The following DPP10 variants were observed in gnomAD, a reference collection of about 807,000 sequenced individuals.
DPP10 encodes the protein inactive dipeptidyl peptidase 10.
Under a neutral mutation model 120.9 loss-of-function variants are expected in DPP10, and 33 were observed. The observed-to-expected ratio is 0.27, with a 90% CI of 0.21 to 0.37. DPP10 has a LOEUF of 0.37. Among genes scored for constraint, DPP10 ranks in the 10% least tolerant of loss-of-function variants. DPP10 has a pLI of 1.00. For synonymous variants in DPP10, 337 were observed against 326.1 expected, an observed-to-expected ratio of 1.03 and a Z score of -0.36; for missense variants, 816 against 942.8, an observed-to-expected ratio of 0.87 and a Z score of 1.76.
At chr2:115,098,079 C>G (rs1452067450) in intron 1 of DPP10, among the ~76,000 whole-genome samples, 1 of 152,174 alleles carries the variant, frequency 6.6e-6, no homozygotes, top group Non-Finnish European at 1.5e-5. Context: ...ATTATTCCAA[C>G]TTTCCCCAGA....
At chr2:115,236,292 A>G (rs1199606083) in intron 1 of DPP10, among the ~76,000 whole-genome samples, 1 of 152,224 alleles carries the variant, frequency 6.6e-6, no homozygotes, top group Non-Finnish European at 1.5e-5. Flanking sequence ...ATCTTTCAGA[A>G]TATACCATGG....
At chr2:114,899,492 T>C (rs963537582) in intron 1 of DPP10, among the ~76,000 whole-genome samples, 1 of 152,132 alleles carries the variant, frequency 6.6e-6, no homozygotes, top group Non-Finnish European at 1.5e-5. Context: ...GAAACCACTC[T>C]TTTAACTTTT....
intron 1 of DPP10, among the ~76,000 whole-genome samples, chr2:114,963,155 C>T (rs925391110): frequency 2.6e-5 from 4 of 152,158 alleles, no homozygotes; most frequent in Non-Finnish European, 5.9e-5. Flanking sequence ...TTCTTGAAAA[C>T]ATTAGTTACA....
intron 7 of DPP10, 31 bp downstream of exon 7, chr2:115,689,952 C>A: frequency 6.3e-7 from 1 of 1,580,588 alleles, no homozygotes; most frequent in Non-Finnish European, 8.6e-7. Context: ...GCACTGAACA[C>A]TGCCAATCAT....
intron 3 of DPP10, chr2:115,468,308 T>C: frequency 1.9e-6 from 1 of 515,010 alleles, no homozygotes; most frequent in Non-Finnish European, 3.9e-6. Context: ...GCCAGAGGGC[T>C]CTGCCAAAGT....
chr2:115,447,452 T>C (rs145068755), intron 3 of DPP10, among the ~76,000 whole-genome samples: 35 of 152,088 alleles, frequency 2.3e-4, no homozygotes, highest in African/African-American at 7.7e-4. Context: ...GGGCATGAGA[T>C]TTGGGAGGGG....
intron 5 of DPP10, among the ~76,000 whole-genome samples, chr2:115,662,010 A>T (rs2089020568): frequency 6.6e-6 from 1 of 152,108 alleles, no homozygotes; most frequent in South Asian, 2.1e-4. Context: ...TCTGACTGAG[A>T]GCTTCTCATT....
intron 3 of DPP10, among the ~76,000 whole-genome samples, chr2:115,381,911 C>G (rs936929852): frequency 2.0e-5 from 3 of 152,122 alleles, no homozygotes; most frequent in Non-Finnish European, 4.4e-5. Flanking sequence ...TCTGCCCGTT[C>G]TCAGATCTCC....
intron 1 of DPP10, among the ~76,000 whole-genome samples, chr2:114,617,150 C>T (rs138336449): frequency 6.6e-6 from 1 of 152,002 alleles, no homozygotes; most frequent in African/African-American, 2.4e-5. Context: ...AACCATATTA[C>T]AATGCAATGT....
Position 114,918,260 on chromosome 2 carries a change from C to A in DPP10, c.61-390979C>A, listed in dbSNP as rs144175958. Among the ~76,000 whole-genome samples the A allele has an allele frequency of 1.4e-4, 22 of 152,250 alleles. No homozygotes were observed. In the East Asian group the frequency reaches 3.9e-3, roughly 27 times the overall value. ...AACAGCACAATGAAATACCATCACA[C>A]ACCAGTCAGATTGGTTATTATTGAA... On this transcript the variant is annotated intron_variant, in intron 1 of 25. Transcript: ENST00000410059.
At chr2:115,539,742 A>G (rs1158359279) in intron 5 of DPP10, among the ~76,000 whole-genome samples, 1 of 151,774 alleles carries the variant, frequency 6.6e-6, no homozygotes, top group Non-Finnish European at 1.5e-5. Flanking sequence ...CTTTTTTGAA[A>G]AGTATCAAAT....
At chr2:114,951,222 A>G (rs1301933568) in intron 1 of DPP10, among the ~76,000 whole-genome samples, 2 of 152,202 alleles carry the variant, frequency 1.3e-5, no homozygotes, top group African/African-American at 2.4e-5. Context: ...CGGCAATCAT[A>G]TATTTTACAA....
chr2:114,823,826 G>T (rs1266309749), intron 1 of DPP10, among the ~76,000 whole-genome samples: 1 of 152,198 alleles, frequency 6.6e-6, no homozygotes, highest in Non-Finnish European at 1.5e-5. Flanking sequence ...CATTCTCTCT[G>T]TTGTTCTCTG....
chr2:114,501,951 T>G (rs1287445376), intron 1 of DPP10, among the ~76,000 whole-genome samples: 1 of 149,082 alleles, frequency 6.7e-6, no homozygotes, highest in African/African-American at 2.5e-5. Flanking sequence ...TTTTTTTTTT[T>G]TTGAGACAGA....
chr2:115,471,279 A>C (rs1473822131), intron 3 of DPP10, among the ~76,000 whole-genome samples: 3 of 152,214 alleles, frequency 2.0e-5, no homozygotes, highest in African/African-American at 7.2e-5. Context: ...AAGGAAAAAT[A>C]TGCTTTTCTC....
intron 3 of DPP10, among the ~76,000 whole-genome samples, chr2:115,474,585 C>T (rs1163748831): frequency 6.6e-6 from 1 of 151,986 alleles, no homozygotes; most frequent in Non-Finnish European, 1.5e-5. Flanking sequence ...TTCTAAGGAG[C>T]AACTGATTCA....
At chr2:114,812,944 T>A (rs1685310417) in intron 1 of DPP10, among the ~76,000 whole-genome samples, 1 of 152,134 alleles carries the variant, frequency 6.6e-6, no homozygotes, top group Non-Finnish European at 1.5e-5. Context: ...GATTCCGTAT[T>A]TTTTAAGATG....
rs759825568 is a variant in DPP10, at chr2:115,727,818, T to C, written c.579T>C (p.Ile193=). ...TTGTTTCACATTTCCTGATCCAGAT[T>C]TATATTTTTGAAAATAATATCTACT... ...AAWGVQGQQL[I]YIFENNIYYQ... is the part of the protein sequence containing the mutation. Residue 193 remains isoleucine, a splice_region_variant and synonymous_variant, in exon 8 of 26, where the codon ATT becomes ATC. Transcript: ENST00000410059. 3.8e-6 allele frequency: 6 copies of C among 1,584,166 alleles called. No homozygotes were observed. The South Asian group carries it at 5.9e-5, about 16-fold the overall frequency.
At chr2:115,498,540 C>G (rs988723254) in intron 3 of DPP10, among the ~76,000 whole-genome samples, 36 of 151,756 alleles carry the variant, frequency 2.4e-4, no homozygotes, top group Non-Finnish European at 5.9e-5. Flanking sequence ...CCATTAATAT[C>G]ACCTTTCTTC....
Sources: allele counts gnomAD v4.1 joint callset (sites outside exome capture counted in the v4.1 genomes callset), GRCh38; gene constraint gnomAD v4.1.1; transcripts MANE v1.5; gene names NCBI Gene and HGNC (gene_info 2026-07-23, HGNC 2026-07-21).